Variants in ART4 observed in about 807,000 individuals in gnomAD.
ART4 encodes ADP-ribosyltransferase 4 (inactive) (Dombrock blood group), also known as ecto-ADP-ribosyltransferase 4.
ART4 carries 14 observed loss-of-function variants against 24.2 expected under a neutral mutation model. The ratio of observed to expected loss-of-function variants is 0.58; its 90% CI spans 0.38 to 0.90. The LOEUF (loss-of-function observed/expected upper bound fraction) is 0.90. Among genes scored for constraint, ART4 ranks in the 40% least tolerant of loss-of-function variants. The pLI, the probability that ART4 is intolerant of heterozygous loss-of-function variation, is 0.00. For missense variants in ART4, 356 were observed against 366.6 expected, an observed-to-expected ratio of 0.97 and a Z score of 0.24; for synonymous variants, 145 against 139.9, an observed-to-expected ratio of 1.04 and a Z score of -0.26.
At chr12:14,830,893 A>C (rs947702265) in intron 2 of ART4, among the ~76,000 whole-genome samples, 1 of 151,542 alleles carries the variant, frequency 6.6e-6, no homozygotes, top group African/African-American at 2.4e-5. Context: ...GAGACTTAGG[A>C]AGCCTTAATA....
intron 2 of ART4, among the ~76,000 whole-genome samples, chr12:14,832,400 T>C (rs1950402781): frequency 6.6e-6 from 1 of 152,170 alleles, no homozygotes; most frequent in African/African-American, 2.4e-5. Flanking sequence ...TTGGCTCAAA[T>C]GTCACCCTCT....
At chr12:14,838,691 G>C (rs532371377) in intron 2 of ART4, among the ~76,000 whole-genome samples, 1 of 152,182 alleles carries the variant, frequency 6.6e-6, no homozygotes, top group Admixed American at 6.5e-5. Flanking sequence ...CTAGGACAGA[G>C]TGAGCAGATT....
chr12:14,836,368 C>T lies in ART4; in HGVS notation c.853+4077G>A, dbSNP rs114651379. Among the ~76,000 whole-genome samples the T allele has an allele frequency of 3.9e-3, 600 of 151,984 alleles. 4 individuals are homozygous for T. The highest frequency in any genetic ancestry group is 0.011 in the African/African-American group (461 of 41,448). Reference sequence around the variant, plus strand: ...CACTTGAAAACAAACACTGCAGTACCGAGACAGCAGATCTGATAACCGAGA... The same window carrying T: ...CACTTGAAAACAAACACTGCAGTACTGAGACAGCAGATCTGATAACCGAGA... On this transcript the variant is annotated intron_variant, in intron 2 of 2. Coordinates refer to ENST00000228936, the MANE Select transcript of ART4 (RefSeq NM_021071.4).
intron 2 of ART4, among the ~76,000 whole-genome samples, chr12:14,837,190 A>G (rs28362803): frequency 2.0e-5 from 3 of 152,312 alleles, no homozygotes; most frequent in African/African-American, 7.2e-5. Flanking sequence ...TAATTGATAA[A>G]TTTCTGGGAA....
chr12:14,841,176 A>G, intron 1 of ART4, 23 bp from the exon 2 acceptor site: 4 of 1,555,284 alleles, frequency 2.6e-6, no homozygotes, highest in Non-Finnish European at 3.5e-6. Flanking sequence ...AAAAATCTTG[A>G]GTTTAATTTT....
rs1220591183 is a variant in ART4, at chr12:14,825,909, G to A, written c.*3462C>T. On this transcript the variant is annotated 3_prime_UTR_variant, in exon 3 of 3. Coordinates refer to ENST00000228936, the MANE Select transcript of ART4 (RefSeq NM_021071.4). ...TTTTAAATTTTTCCTGTTTCAATCAGCTTCTTCAGATTAAACAGTATATTT... is the reference window on the plus strand; with the variant it reads ...TTTTAAATTTTTCCTGTTTCAATCAACTTCTTCAGATTAAACAGTATATTT... The A allele has an allele frequency of 2.0e-5, 3 of 152,236 alleles. No homozygotes were observed. The highest frequency in any genetic ancestry group is 1.9e-4 in the East Asian group (1 of 5,186). The allele number at this position is 152,236 out of a possible 1,614,324, so 9.4% of individuals were successfully genotyped here.
chr12:14,841,232 AG>A, intron 1 of ART4, 79 bp from the exon 2 acceptor site: 1 of 1,337,218 alleles, frequency 7.5e-7, no homozygotes, highest in Non-Finnish European at 1.0e-6. Context: ...GTACTCTATA[AG>A]GGTAAGTCTT....
intron 2 of ART4, among the ~76,000 whole-genome samples, chr12:14,836,813 C>G (rs1950434161): frequency 2.6e-5 from 4 of 152,176 alleles, no homozygotes; most frequent in African/African-American, 9.7e-5. Flanking sequence ...AGAAAATGCT[C>G]CAATTCCAGC....
intron 1 of ART4, 126 bp from the exon 2 acceptor site, chr12:14,841,279 C>T (rs1863049135): frequency 1.2e-6 from 1 of 811,548 alleles, no homozygotes; most frequent in East Asian, 2.7e-5. Flanking sequence ...GTAAGTTACA[C>T]TGAAAATCAT....
Position 14,840,648 on chromosome 12 carries a change from G to A in ART4, c.650C>T (p.Ala217Val). Residue 217 changes from alanine to valine, a missense_variant, in exon 2 of 3, where the codon GCA (alanine) becomes GTA (valine). Physicochemically the swap from Ala to Val is moderately conservative, Grantham distance 64 (BLOSUM62 0). Transcript: ENST00000228936. ...FLSTSLLKEE[A>V]QEFGNQTLFT... The stretch of plus-strand genomic sequence containing the variant: ...TAGTGTCTGGTTCCCAAACTCCTGT[G>A]CCTCTTCTTTCAGGAGGGATGTGGA... 6.2e-7 allele frequency: 1 copy of A among 1,614,136 alleles called. No individual in the cohort carries two copies. The highest frequency in any genetic ancestry group is 8.5e-7 in the Non-Finnish European group (1 of 1,180,018).
chr12:14,842,329 T>C (rs1442564618), intron 1 of ART4, among the ~76,000 whole-genome samples: 1 of 152,206 alleles, frequency 6.6e-6, no homozygotes, highest in Non-Finnish European at 1.5e-5. Flanking sequence ...TCCCATTTGG[T>C]ATTTTTACTA....
rs1950363340 is a variant in ART4 at position 14,826,981 on chromosome 12, T to C, written c.*2390A>G. On this transcript the variant is annotated 3_prime_UTR_variant, in exon 3 of 3. Transcript: ENST00000228936. The stretch of plus-strand genomic sequence containing the variant: ...AAATGCAGCCTCTTACTTAAAGCCT[T>C]CCGGGTGTCTCTTCTTGCCTCAGTT... 6.6e-6 allele frequency: 1 copy of C among 152,032 alleles called. No individual in the cohort carries two copies. Among genetic ancestry groups the C allele is most frequent in the African/African-American group, 2.4e-5 (1 of 41,390 alleles). 9.4% of individuals were successfully genotyped at this position (152,032 alleles called of 1,614,324 possible). A position where few individuals can be genotyped will look rare whatever the true frequency, so the allele number is the denominator to read the frequency against.
intron 2 of ART4, among the ~76,000 whole-genome samples, chr12:14,836,619 G>C (rs1279088878): frequency 6.6e-6 from 1 of 152,180 alleles, no homozygotes; most frequent in African/African-American, 2.4e-5. Flanking sequence ...CTAAATGACT[G>C]TGATGCTAAC....
At chr12:14,831,471 C>A (rs1383477501) in intron 2 of ART4, among the ~76,000 whole-genome samples, 1 of 151,532 alleles carries the variant, frequency 6.6e-6, no homozygotes, top group Non-Finnish European at 1.5e-5. Flanking sequence ...TACCACATTG[C>A]CCAGGCTGGT....
rs1863077070 is a variant in ART4, at chr12:14,843,003, G to A, written c.111C>T (p.Leu37=). ...CCTCTGTGGGTCTCTGCAGGCCAGA[G>A]AGGAGCAGCAGGAATGGCAGCAGGC... The part of the protein sequence containing the change: ...LGGLLPFLLL[L]SGLQRPTEGS... Residue 37 remains leucine, a synonymous_variant, in exon 1 of 3, where the codon CTC becomes CTT. Coordinates refer to ENST00000228936, the MANE Select transcript of ART4 (RefSeq NM_021071.4). The A allele has an allele frequency of 6.2e-7, 1 of 1,613,742 alleles. No homozygotes were observed. Among genetic ancestry groups the A allele is most frequent in the African/African-American group, 1.3e-5 (1 of 74,916 alleles).
chr12:14,838,611 A>G (rs988632273), intron 2 of ART4, among the ~76,000 whole-genome samples: 3 of 152,160 alleles, frequency 2.0e-5, no homozygotes, highest in Non-Finnish European at 4.4e-5. Flanking sequence ...TTTTGCTGCC[A>G]TGTTTCCAAG....
chr12:14,825,744 C>G lies in ART4; in HGVS notation c.*3627G>C, dbSNP rs996526841. 6.6e-6 allele frequency: 1 copy of G among 152,072 alleles called. No homozygotes were observed. The highest frequency in any genetic ancestry group is 1.5e-5 in the Non-Finnish European group (1 of 68,004). 9.4% of individuals were successfully genotyped at this position (152,072 alleles called of 1,614,324 possible). ...AAGAATCCTGATTCTTCTAGCAAAA[C>G]AAACTTTACTGAAATTTTCTTTCAT... On this transcript the variant is annotated 3_prime_UTR_variant, in exon 3 of 3. Transcript: ENST00000228936.
At chr12:14,839,914 G>C (rs1950454915) in intron 2 of ART4, among the ~76,000 whole-genome samples, 1 of 152,052 alleles carries the variant, frequency 6.6e-6, no homozygotes, top group Non-Finnish European at 1.5e-5. Context: ...TAAATATTTG[G>C]TATATCACTT....
chr12:14,840,849 T>C lies in ART4; in HGVS notation c.449A>G (p.Tyr150Cys), dbSNP rs1177821966. 6.2e-7 allele frequency: 1 copy of C among 1,614,104 alleles called. No homozygotes were observed. Among genetic ancestry groups the C allele is most frequent in the East Asian group, 2.2e-5 (1 of 44,894 alleles). The change falls in exon 2 of 3, where the codon TAT becomes TGT. Residue 150 changes from tyrosine (Y) to cysteine (C), a missense_variant. By Grantham distance (194) the Tyr-to-Cys change is radical. Transcript: ENST00000228936. The stretch of plus-strand genomic sequence containing the variant: ...ATATTTGAAGTGGAATGAACGTTCA[T>C]ACTGCTGTGGAGTCCTGGCAACAGA... ...MASVARTPQQ[Y>C]ERSFHFKYLH...
Sources: allele counts gnomAD v4.1 joint callset (sites outside exome capture counted in the v4.1 genomes callset), GRCh38; gene constraint gnomAD v4.1.1; transcripts MANE v1.5; gene names NCBI Gene and HGNC (gene_info 2026-07-23, HGNC 2026-07-21).